The following PHACTR1 variants were observed in gnomAD, a reference collection of about 807,000 sequenced individuals.
PHACTR1 encodes the protein phosphatase and actin regulator 1.
A neutral mutation model predicts 69.2 loss-of-function variants in PHACTR1; 16 were observed. The ratio of observed to expected loss-of-function variants is 0.23; its 90% CI spans 0.16 to 0.35. PHACTR1 has a LOEUF of 0.35. Among genes scored for constraint, PHACTR1 ranks in the 10% least tolerant of loss-of-function variants. The pLI is 1.00. For missense variants in PHACTR1, 510 were observed against 734.7 expected, an observed-to-expected ratio of 0.69 and a Z score of 3.54; for synonymous variants, 312 against 284.5, an observed-to-expected ratio of 1.10 and a Z score of -0.97.
intron 4 of PHACTR1, among the ~76,000 whole-genome samples, chr6:12,847,581 A>G (rs1027959490): frequency 1.4e-4 from 22 of 152,128 alleles, no homozygotes; most frequent in African/African-American, 5.1e-4. Flanking sequence ...AGAAACTGTT[A>G]GCCCAAAGAA....
chr6:12,733,948 C>T (rs1455563209), intron 3 of PHACTR1, among the ~76,000 whole-genome samples: 1 of 152,178 alleles, frequency 6.6e-6, no homozygotes, highest in East Asian at 1.9e-4. Flanking sequence ...ACGAGGAACG[C>T]TCAACATTCA....
chr6:12,980,090 T>TGA (rs1795331393), intron 4 of PHACTR1, among the ~76,000 whole-genome samples: 1 of 152,198 alleles, frequency 6.6e-6, no homozygotes, highest in Admixed American at 6.5e-5. Flanking sequence ...TAGGAGATCC[T>TGA]GGTCAAATTA....
chr6:13,016,283 T>C (rs954758765), intron 4 of PHACTR1, among the ~76,000 whole-genome samples: 5 of 152,194 alleles, frequency 3.3e-5, no homozygotes, highest in Non-Finnish European at 7.3e-5. Context: ...TAGAGGAAGG[T>C]GCTTCTTAAG....
At chr6:13,211,730 C>G (rs1167457557) in intron 8 of PHACTR1, among the ~76,000 whole-genome samples, 1 of 152,190 alleles carries the variant, frequency 6.6e-6, no homozygotes. Context: ...ACCAACACTT[C>G]TACATGCTCC....
intron 4 of PHACTR1, among the ~76,000 whole-genome samples, chr6:12,889,246 G>T (rs1319924950): frequency 6.6e-6 from 1 of 152,144 alleles, no homozygotes; most frequent in East Asian, 1.9e-4. Context: ...ACTCCAGCTG[G>T]GGCTACAGAG....
intron 4 of PHACTR1, among the ~76,000 whole-genome samples, chr6:12,878,253 A>G (rs571722748): frequency 4.6e-5 from 7 of 152,352 alleles, no homozygotes; most frequent in African/African-American, 1.7e-4. Context: ...CAAAAATACA[A>G]TTTGATGGTC....
At chr6:12,773,758 C>T (rs950720) in intron 4 of PHACTR1, among the ~76,000 whole-genome samples, 54,768 of 152,020 alleles carry the variant, frequency 0.36, 10,517 homozygotes, top group Middle Eastern at 0.47. Flanking sequence ...TCTCATATTA[C>T]GCTTAAAAAT....
At chr6:13,211,639 G>C (rs1766862171) in intron 8 of PHACTR1, among the ~76,000 whole-genome samples, 1 of 152,148 alleles carries the variant, frequency 6.6e-6, no homozygotes, top group South Asian at 2.1e-4. Flanking sequence ...AGTCACCCTT[G>C]ACCCCTTCCT....
At chr6:13,070,010 G>GCCCTGAGACCAGCCCTCTGC (rs1480084666) in intron 5 of PHACTR1, among the ~76,000 whole-genome samples, 1 of 152,132 alleles carries the variant, frequency 6.6e-6, no homozygotes, top group Non-Finnish European at 1.5e-5. Flanking sequence ...TCCAACTTCT[G>GCCCTGAGACCAGCCCTCTGC]CCCTGAGACC....
intron 6 of PHACTR1, among the ~76,000 whole-genome samples, chr6:13,166,392 G>A (rs898074545): frequency 2.5e-4 from 38 of 152,252 alleles, no homozygotes; most frequent in African/African-American, 8.4e-4. Flanking sequence ...CAGGGCAGGG[G>A]TCTTCGTCTG....
chr6:13,186,909 G>A (rs755820258), intron 7 of PHACTR1, among the ~76,000 whole-genome samples: 3 of 152,148 alleles, frequency 2.0e-5, no homozygotes, highest in Non-Finnish European at 4.4e-5. Flanking sequence ...ATCTGTGGGA[G>A]CCCTGAGCTT....
intron 4 of PHACTR1, among the ~76,000 whole-genome samples, chr6:12,876,156 C>T (rs934851323): frequency 1.3e-5 from 2 of 152,158 alleles, no homozygotes; most frequent in African/African-American, 2.4e-5. Context: ...GGAAAAGGTG[C>T]CTCTCTGCAG....
intron 10 of PHACTR1, among the ~76,000 whole-genome samples, chr6:13,271,987 T>A (rs186998544): frequency 2.6e-5 from 4 of 152,338 alleles, no homozygotes; most frequent in Admixed American, 1.3e-4. Context: ...AATGATTCAG[T>A]TTCTCACACA....
chr6:13,189,059 A>C lies in PHACTR1; in HGVS notation c.664+6373A>C, dbSNP rs551025944. On this transcript the variant is annotated intron_variant, in intron 7 of 14. Coordinates refer to ENST00000332995, the MANE Select transcript of PHACTR1 (RefSeq NM_030948.6). ...GAAGTCAGATGTTCAACGCTGCATGAATAACCTATGCCTTCTGCATAAGGT... is the reference window on the plus strand; with the variant it reads ...GAAGTCAGATGTTCAACGCTGCATGCATAACCTATGCCTTCTGCATAAGGT... 1.1e-4 allele frequency among the ~76,000 whole-genome samples: 17 copies of C among 152,384 alleles called. No homozygotes were observed. In the South Asian group the frequency reaches 3.3e-3, roughly 30 times the overall value.
At chr6:12,902,870 A>G (rs368193188) in intron 4 of PHACTR1, among the ~76,000 whole-genome samples, 2 of 152,158 alleles carry the variant, frequency 1.3e-5, no homozygotes, top group African/African-American at 4.8e-5. Flanking sequence ...TCAACAGGCC[A>G]CTTAAGACCC....
intron 10 of PHACTR1, among the ~76,000 whole-genome samples, chr6:13,243,015 T>C (rs1027564162): frequency 1.3e-5 from 2 of 152,234 alleles, no homozygotes; most frequent in Admixed American, 6.5e-5. Flanking sequence ...GCAAGTTCCA[T>C]GAAGAAGGCG....
At chr6:13,075,469 C>G (rs915890392) in intron 5 of PHACTR1, among the ~76,000 whole-genome samples, 2 of 152,140 alleles carry the variant, frequency 1.3e-5, no homozygotes, top group Non-Finnish European at 2.9e-5. Context: ...TTGCTTGTTA[C>G]TGACTTGAGG....
chr6:13,279,031 C>CTT (rs5874408), intron 12 of PHACTR1, among the ~76,000 whole-genome samples: 9,864 of 139,124 alleles, frequency 0.071, 603 homozygotes, highest in Admixed American at 0.21. Flanking sequence ...AAAGTATAGA[C>CTT]TTTTTTTTTT....
At chr6:12,947,058 G>A (rs1050181582) in intron 4 of PHACTR1, among the ~76,000 whole-genome samples, 6 of 151,718 alleles carry the variant, frequency 4.0e-5, no homozygotes, top group Admixed American at 1.3e-4. Context: ...TGATCCACCC[G>A]CCTCGGCCTC....
Sources: gnomAD v4.1 joint callset for allele counts (sites outside exome capture counted in the v4.1 genomes callset) on GRCh38, gnomAD v4.1.1 for gene constraint, MANE v1.5 for transcripts, NCBI Gene and HGNC (gene_info 2026-07-23, HGNC 2026-07-21) for gene names.